TM2D3: variants seen among roughly 807,000 people sequenced by gnomAD.
The protein encoded by TM2D3 is TM2 domain-containing protein 3.
TM2D3 carries 33 observed loss-of-function variants against 27.3 expected under a neutral mutation model. The ratio of observed to expected loss-of-function variants is 1.21; its 90% CI spans 0.92 to 1.61. The LOEUF is 1.61. Among genes scored for constraint, TM2D3 ranks in the 40% most tolerant of loss-of-function variants. TM2D3 has a pLI of 0.00. For synonymous variants in TM2D3, 138 were observed against 122.2 expected (o/e 1.13, Z -0.85); for missense variants, 364 against 320.8 (o/e 1.13, Z -1.03).
chr15:101,642,267 T>C lies in TM2D3; in HGVS notation c.*212A>G, dbSNP rs1261214706. 8 of 1,238,070 alleles carry C rather than the reference T, an allele frequency of 6.5e-6. No individual in the cohort carries two copies. Among genetic ancestry groups the C allele is most frequent in the Non-Finnish European group, 8.1e-6 (8 of 989,234 alleles). 76.7% of individuals were successfully genotyped at this position (1,238,070 alleles called of 1,614,324 possible). On this transcript the variant is annotated 3_prime_UTR_variant, in exon 6 of 6. Coordinates refer to ENST00000333202, the MANE Select transcript of TM2D3 (RefSeq NM_078474.3). ...TTCTCCTGGCTTAAGTACGTTTTAA[T>C]TTTTTCACAGAAAAAAATATATTTC...
chr15:101,641,889 C>A lies in TM2D3; in HGVS notation c.*590G>T. 1 of 971,368 alleles carries A rather than the reference C, an allele frequency of 1.0e-6. No homozygotes were observed. The highest frequency in any genetic ancestry group is 4.8e-5 in the South Asian group (1 of 21,018). 60.2% of individuals were successfully genotyped at this position (971,368 alleles called of 1,614,324 possible). A position where few individuals can be genotyped will look rare whatever the true frequency, so the allele number is the denominator to read the frequency against. ...TTTATTAATTTTTCAGTACTCTTAC[C>A]TTTTATATACTACTAAGAAAATTTA... On this transcript the variant is annotated 3_prime_UTR_variant, in exon 6 of 6. Coordinates refer to ENST00000333202, the MANE Select transcript of TM2D3 (RefSeq NM_078474.3).
chr15:101,646,991 C>A, intron 3 of TM2D3, 92 bp from the exon 4 acceptor site: 1 of 1,408,890 alleles, frequency 7.1e-7, no homozygotes. Flanking sequence ...CACAAAATTC[C>A]GTAAATGCTT....
chr15:101,648,829 G>C (rs894617389), intron 3 of TM2D3, among the ~76,000 whole-genome samples: 1 of 146,960 alleles, frequency 6.8e-6, no homozygotes, highest in East Asian at 2.0e-4. Flanking sequence ...GAGCAATGCA[G>C]CTAAAAAATA....
chr15:101,643,726 TAG>T (rs1896732399), intron 5 of TM2D3, among the ~76,000 whole-genome samples: 1 of 151,466 alleles, frequency 6.6e-6, no homozygotes, highest in Non-Finnish European at 1.5e-5. Context: ...GAAACCAGGT[TAG>T]GGGTATATAA....
At position 101,645,070 on chromosome 15, in the gene TM2D3, C is replaced by G; in HGVS notation, c.578+17G>C. On this transcript the variant is annotated intron_variant, in intron 5 of 5. Transcript: ENST00000333202. Reference sequence around the variant, plus strand: ...AAATGCAAACGGCCTTTTACACTTACGAGTAACAAGGCTTACCTTAGAGCC... The same window carrying G: ...AAATGCAAACGGCCTTTTACACTTAGGAGTAACAAGGCTTACCTTAGAGCC... 1.9e-6 allele frequency: 3 copies of G among 1,608,174 alleles called. No individual in the cohort carries two copies. Among genetic ancestry groups the G allele is most frequent in the Non-Finnish European group, 8.5e-7 (1 of 1,175,958 alleles).
In TM2D3 at chr15:101,651,757, C is replaced by T. The variant is rs777622905; in HGVS notation, c.108G>A (p.Leu36=). The T allele has an allele frequency of 2.2e-5, 36 of 1,614,162 alleles. No individual in the cohort carries two copies. The highest frequency in any genetic ancestry group is 3.1e-5 in the Non-Finnish European group (36 of 1,180,010). Residue 36 remains leucine, a synonymous_variant, in exon 2 of 6, where the codon CTG becomes CTA. Transcript: ENST00000333202. The part of the protein sequence containing the change: ...ILSGGEQSQA[L]AQSIKDPGPT... Reference sequence around the variant, plus strand: ...GGCCCGGATCCTTTATTGACTGAGCCAGCGCCTGCGATTGCTCTAAATTTA... The same window carrying T: ...GGCCCGGATCCTTTATTGACTGAGCTAGCGCCTGCGATTGCTCTAAATTTA...
Position 101,633,643 on chromosome 15 carries a change from C to T in TM2D3, c.*34G>A, listed in dbSNP as rs190498756. On this transcript the variant is annotated 3_prime_UTR_variant, in exon 5 of 5. Transcript: ENST00000428002. ...AGCACTTCTCATGCTCTTCTTCTCA[C>T]GCTCCTCAAAAATCCACCTTTTTCA... The T allele has an allele frequency of 1.5e-4, 225 of 1,517,626 alleles. 5 individuals carry two copies. In the South Asian group the frequency reaches 1.5e-3, roughly 10 times the overall value. The allele number at this position is 1,517,626 out of a possible 1,614,324, so 94.0% of individuals were successfully genotyped here. A position where few individuals can be genotyped will look rare whatever the true frequency, so the allele number is the denominator to read the frequency against.
chr15:101,637,336 G>T (rs1896572796), downstream of TM2D3, among the ~76,000 whole-genome samples: 1 of 152,176 alleles, frequency 6.6e-6, no homozygotes, highest in Non-Finnish European at 1.5e-5. Context: ...ACTGAAAAAG[G>T]TGCCAGATTT....
At chr15:101,652,084 G>C (rs1464303674) in intron 1 of TM2D3, 187 bp downstream of exon 1, 1 of 575,520 alleles carries the variant, frequency 1.7e-6, no homozygotes, top group African/African-American at 2.0e-5. Flanking sequence ...TGTCGCCGGA[G>C]CGGAGGGGCG....
chr15:101,649,941 ATTG>A (rs1896924244), intron 3 of TM2D3, 60 bp downstream of exon 3: 2 of 1,474,952 alleles, frequency 1.4e-6, no homozygotes, highest in Middle Eastern at 3.5e-4. Context: ...TCAAGTCTGA[ATTG>A]TTCTTCTAAC....
At chr15:101,635,944 T>C (rs539855562) in intron 4 of TM2D3, 1 of 152,296 alleles carries the variant, frequency 6.6e-6, no homozygotes, top group South Asian at 2.1e-4. Flanking sequence ...ATCATATGTA[T>C]GTGTGGTTAC....
intron 5 of TM2D3, among the ~76,000 whole-genome samples, chr15:101,643,834 C>T (rs1392064861): frequency 1.3e-5 from 2 of 152,076 alleles, no homozygotes; most frequent in East Asian, 1.9e-4. Flanking sequence ...TTAATTTGAA[C>T]CATTGTCAGC....
chr15:101,652,182 C>T, intron 1 of TM2D3, 89 bp downstream of exon 1: 3 of 1,226,306 alleles, frequency 2.4e-6, no homozygotes, highest in Non-Finnish European at 3.5e-6. Flanking sequence ...CCCGCGTCAG[C>T]GTCCGCCCGT....
chr15:101,651,383 G>A (rs1231913559), intron 2 of TM2D3: 1 of 315,070 alleles, frequency 3.2e-6, no homozygotes, highest in Non-Finnish European at 6.0e-6. Flanking sequence ...TAGCAGTAGA[G>A]GAAATTTGCT....
intron 4 of TM2D3, chr15:101,636,605 T>C (rs1896556431): frequency 5.9e-6 from 1 of 168,458 alleles, no homozygotes; most frequent in Non-Finnish European, 1.3e-5. Context: ...CGGATTCATT[T>C]TGCTAGGGTT....
chr15:101,646,629 A>C (rs1351637814), intron 4 of TM2D3, 96 bp downstream of exon 4: 1 of 1,359,020 alleles, frequency 7.4e-7, no homozygotes, highest in Non-Finnish European at 1.0e-6. Flanking sequence ...AATGTTTCTA[A>C]TTAAGTAACT....
chr15:101,650,336 C>T, intron 2 of TM2D3, 175 bp from the exon 3 acceptor site: 2 of 570,446 alleles, frequency 3.5e-6, no homozygotes, highest in Non-Finnish European at 5.9e-6. Flanking sequence ...TGCCCACGGC[C>T]AGCTGTGGGA....
rs1457086538 is a variant in TM2D3 at position 101,645,420 on chromosome 15, A to G, written c.503-258T>C. 11 of 474,732 alleles carry G rather than the reference A, an allele frequency of 2.3e-5. No individual in the cohort carries two copies. In the South Asian group the frequency reaches 2.6e-4, roughly 11 times the overall value. The allele number at this position is 474,732 out of a possible 1,614,324, so 29.4% of individuals were successfully genotyped here. On this transcript the variant is annotated intron_variant, in intron 4 of 5. Transcript: ENST00000333202. The stretch of plus-strand genomic sequence containing the variant: ...AGACCTACGGGGAAGTTACGAGTAT[A>G]TAAGACAGTGTAGTCTTGAGGCATA...
chr15:101,646,650 A>T (rs780535941), intron 4 of TM2D3, 75 bp downstream of exon 4: 1 of 1,562,972 alleles, frequency 6.4e-7, no homozygotes, highest in African/African-American at 1.4e-5. Context: ...TGACTCGCAA[A>T]TTTCTGGTTA....
Sources: gnomAD v4.1 joint callset for allele counts (sites outside exome capture counted in the v4.1 genomes callset) on GRCh38, gnomAD v4.1.1 for gene constraint, MANE v1.5 for transcripts, NCBI Gene and HGNC (gene_info 2026-07-23, HGNC 2026-07-21) for gene names.